KCNIP1: variants seen among roughly 807,000 people sequenced by gnomAD.
The protein encoded by KCNIP1 is A-type potassium channel modulatory protein KCNIP1.
In KCNIP1, 18 loss-of-function variants were observed where a neutral mutation model predicts 33.0. That is an observed-to-expected ratio of 0.55 (90% CI 0.38 to 0.81). The LOEUF is 0.81. Among genes scored for constraint, KCNIP1 ranks in the 30% least tolerant of loss-of-function variants. The probability of loss-of-function intolerance (pLI) is 0.00; values close to 1 mark genes in which losing one functional copy is unlikely to be tolerated. For synonymous variants in KCNIP1, 93 were observed against 98.3 expected (o/e 0.95, Z 0.32); for missense variants, 238 against 271.6 (o/e 0.88, Z 0.87).
At chr5:170,549,841 A>C (rs1485297261) in intron 1 of KCNIP1, among the ~76,000 whole-genome samples, 2 of 152,246 alleles carry the variant, frequency 1.3e-5, no homozygotes, top group African/African-American at 2.4e-5. Flanking sequence ...TGGAGGAGTA[A>C]TAATTCATTT....
chr5:170,359,039 G>A (rs1053736146), intron 1 of KCNIP1, among the ~76,000 whole-genome samples: 10 of 152,168 alleles, frequency 6.6e-5, no homozygotes, highest in African/African-American at 2.2e-4. Flanking sequence ...AAAGGGTTGT[G>A]ACAAATTCCA....
intron 1 of KCNIP1, among the ~76,000 whole-genome samples, chr5:170,661,945 G>A (rs967465877): frequency 2.0e-5 from 3 of 152,138 alleles, no homozygotes; most frequent in Non-Finnish European, 4.4e-5. Flanking sequence ...CAAGGCTCGA[G>A]CACAACGCAG....
At chr5:170,649,504 G>A (rs758264577) in intron 1 of KCNIP1, among the ~76,000 whole-genome samples, 36 of 148,112 alleles carry the variant, frequency 2.4e-4, no homozygotes, top group Admixed American at 7.3e-4. Context: ...TGCTCCCCAA[G>A]CCATGCATTT....
intron 1 of KCNIP1, among the ~76,000 whole-genome samples, chr5:170,374,456 G>A (rs1300425067): frequency 6.6e-6 from 1 of 152,168 alleles, no homozygotes; most frequent in Admixed American, 6.5e-5. Context: ...GGACTGATGA[G>A]CTGAAGCTCT....
At chr5:170,520,167 T>A (rs1755308682) in intron 1 of KCNIP1, among the ~76,000 whole-genome samples, 1 of 152,330 alleles carries the variant, frequency 6.6e-6, no homozygotes, top group East Asian at 1.9e-4. Flanking sequence ...TGCTGGGCAC[T>A]GCCCTTAAAT....
intron 1 of KCNIP1, among the ~76,000 whole-genome samples, chr5:170,368,284 G>T (rs1241514394): frequency 4.0e-5 from 6 of 150,422 alleles, no homozygotes; most frequent in Admixed American, 4.0e-4. Context: ...TTGTTTTATT[G>T]AGACAGAGTC....
intron 1 of KCNIP1, among the ~76,000 whole-genome samples, chr5:170,567,163 A>G (rs1163264440): frequency 6.6e-6 from 1 of 152,198 alleles, no homozygotes; most frequent in East Asian, 1.9e-4. Context: ...ATGTTAGGCA[A>G]TATTTGGTGA....
intron 1 of KCNIP1, among the ~76,000 whole-genome samples, chr5:170,562,377 G>A (rs1036080944): frequency 6.6e-6 from 1 of 152,180 alleles, no homozygotes. Context: ...ACTGCATGGG[G>A]TTCTGCAACC....
At chr5:170,416,224 T>C (rs141177742) in intron 1 of KCNIP1, among the ~76,000 whole-genome samples, 1 of 152,206 alleles carries the variant, frequency 6.6e-6, no homozygotes, top group African/African-American at 2.4e-5. Flanking sequence ...AAGCCAGAGC[T>C]GGTGTGGCCC....
chr5:170,727,688 A>T (rs1022879102), intron 5 of KCNIP1, among the ~76,000 whole-genome samples: 21 of 152,314 alleles, frequency 1.4e-4, no homozygotes, highest in African/African-American at 4.6e-4. Context: ...TGTAATCCCA[A>T]CACTTTGGGA....
intron 1 of KCNIP1, among the ~76,000 whole-genome samples, chr5:170,364,803 A>G (rs1763613124): frequency 6.6e-6 from 1 of 152,244 alleles, no homozygotes; most frequent in Non-Finnish European, 1.5e-5. Context: ...TAAGGTATAC[A>G]GTGTGATGTC....
At chr5:170,709,871 T>C (rs1011456427) in intron 1 of KCNIP1, among the ~76,000 whole-genome samples, 1 of 152,200 alleles carries the variant, frequency 6.6e-6, no homozygotes, top group Non-Finnish European at 1.5e-5. Flanking sequence ...TTCCATTCTT[T>C]TTTTTTCTTT....
At chr5:170,537,624 T>C (rs1182082756) in intron 1 of KCNIP1, among the ~76,000 whole-genome samples, 3 of 152,220 alleles carry the variant, frequency 2.0e-5, no homozygotes, top group East Asian at 3.9e-4. Flanking sequence ...CAGCTGTTCA[T>C]GACACAGGCG....
intron 1 of KCNIP1, among the ~76,000 whole-genome samples, chr5:170,676,286 A>T (rs554878187): frequency 6.6e-6 from 1 of 152,304 alleles, no homozygotes; most frequent in South Asian, 2.1e-4. Context: ...TTATCATTAT[A>T]TAACTAATTT....
chr5:170,550,732 CTGATGATGA>C (rs887765705), intron 1 of KCNIP1, among the ~76,000 whole-genome samples: 1 of 146,990 alleles, frequency 6.8e-6, no homozygotes, highest in Non-Finnish European at 1.5e-5. Flanking sequence ...AATGACAGTA[CTGATGATGA>C]TGATGATGGT....
At chr5:170,639,144 T>A (rs1292337593) in intron 1 of KCNIP1, 1 of 152,172 alleles carries the variant, frequency 6.6e-6, no homozygotes, top group African/African-American at 2.4e-5. Context: ...ATAATAATAA[T>A]AATAAACGAA....
chr5:170,553,244 G>A (rs1008370630), intron 1 of KCNIP1, among the ~76,000 whole-genome samples: 1 of 152,232 alleles, frequency 6.6e-6, no homozygotes, highest in African/African-American at 2.4e-5. Context: ...GAGATCATGT[G>A]ACCTGTACCC....
chr5:170,604,187 G>C (rs1416503144), intron 1 of KCNIP1, among the ~76,000 whole-genome samples: 1 of 152,156 alleles, frequency 6.6e-6, no homozygotes, highest in African/African-American at 2.4e-5. Context: ...AAGGGCCGGG[G>C]AGAAGGGAGG....
At chr5:170,381,492 C>T (rs147848580) in intron 1 of KCNIP1, among the ~76,000 whole-genome samples, 104 of 152,310 alleles carry the variant, frequency 6.8e-4, no homozygotes, top group African/African-American at 2.2e-3. Flanking sequence ...CCTGGAGCCC[C>T]AGCCACTTGA....
Sources: gnomAD v4.1 joint callset for allele counts (sites outside exome capture counted in the v4.1 genomes callset) on GRCh38, gnomAD v4.1.1 for gene constraint, MANE v1.5 for transcripts, NCBI Gene and HGNC (gene_info 2026-07-23, HGNC 2026-07-21) for gene names.